MYBL2: variants seen among roughly 807,000 people sequenced by gnomAD.
MYBL2 encodes the protein MYB proto-oncogene like 2, also known as myb-related protein B.
A neutral mutation model predicts 79.9 loss-of-function variants in MYBL2; 28 were observed. The ratio of observed to expected loss-of-function variants is 0.35; its 90% CI spans 0.26 to 0.48. The LOEUF (loss-of-function observed/expected upper bound fraction) is 0.48. Among genes scored for constraint, MYBL2 ranks in the 20% least tolerant of loss-of-function variants. The pLI is 0.99. For synonymous variants in MYBL2, 378 were observed against 361.2 expected, an observed-to-expected ratio of 1.05 and a Z score of -0.53; for missense variants, 735 against 893.9, an observed-to-expected ratio of 0.82 and a Z score of 2.27.
At chr20:43,698,577 C>T (rs886584267) in intron 6 of MYBL2, among the ~76,000 whole-genome samples, 7 of 151,228 alleles carry the variant, frequency 4.6e-5, no homozygotes, top group African/African-American at 1.7e-4. Flanking sequence ...TGGGGTTTCA[C>T]CGTGTTAGCC....
At chr20:43,681,891 A>G (rs1987153314) in intron 3 of MYBL2, 36 bp downstream of exon 3, 1 of 1,605,866 alleles carries the variant, frequency 6.2e-7, no homozygotes, top group Non-Finnish European at 8.5e-7. Context: ...CCCTCGGGGC[A>G]AGGGCTCTGG....
intron 2 of MYBL2, among the ~76,000 whole-genome samples, chr20:43,679,682 G>A (rs763516349): frequency 1.3e-5 from 2 of 152,106 alleles, no homozygotes; most frequent in Admixed American, 6.5e-5. Flanking sequence ...TTGGGAGGCC[G>A]AGGCAGGAGA....
At chr20:43,668,794 C>G (rs983167578) in intron 1 of MYBL2, among the ~76,000 whole-genome samples, 2 of 149,802 alleles carry the variant, frequency 1.3e-5, no homozygotes, top group African/African-American at 2.5e-5. Context: ...TTCAAGTGAT[C>G]TTCCCAACTC....
At chr20:43,676,447 C>T (rs749225507) in intron 2 of MYBL2, among the ~76,000 whole-genome samples, 11 of 152,172 alleles carry the variant, frequency 7.2e-5, no homozygotes, top group Non-Finnish European at 1.3e-4. Context: ...TGAAATCATA[C>T]GGTTACATTC....
At position 43,702,915 on chromosome 20, in the gene MYBL2, C is replaced by A; in HGVS notation, c.1365+12C>A. 6.3e-7 allele frequency: 1 copy of A among 1,574,992 alleles called. No individual in the cohort carries two copies. The highest frequency in any genetic ancestry group is 1.7e-5 in the Admixed American group (1 of 58,454). On this transcript the variant is annotated intron_variant, in intron 8 of 13. Coordinates refer to ENST00000217026, the MANE Select transcript of MYBL2 (RefSeq NM_002466.4). ...TCTCGCCCTCCCAGGTGCGTGGACC[C>A]CACTCTGGCTGCTTATTGGGTCGGT... is the stretch of plus-strand genomic sequence containing the variant.
At chr20:43,682,918 G>T in intron 4 of MYBL2, 32 bp downstream of exon 4, 1 of 1,589,566 alleles carries the variant, frequency 6.3e-7, no homozygotes, top group Non-Finnish European at 8.6e-7. Context: ...TGCACACAGT[G>T]GGTCTTCACC....
intron 2 of MYBL2, among the ~76,000 whole-genome samples, chr20:43,679,557 G>T (rs1568851499): frequency 1.3e-5 from 2 of 152,010 alleles, no homozygotes; most frequent in South Asian, 4.2e-4. Flanking sequence ...TTGCCTGAGT[G>T]TAAGAGTCCT....
chr20:43,684,551 T>TTA (rs1987222704), intron 4 of MYBL2, among the ~76,000 whole-genome samples: 1 of 150,378 alleles, frequency 6.6e-6, no homozygotes, highest in South Asian at 2.1e-4. Context: ...TTTTTTTTTT[T>TTA]AATTTGTAGA....
In MYBL2 at chr20:43,715,134, C is replaced by T. The variant is rs912793692; in HGVS notation, c.1825C>T (p.Pro609Ser). 1.2e-6 allele frequency: 2 copies of T among 1,614,056 alleles called. No homozygotes were observed. The highest frequency in any genetic ancestry group is 1.7e-5 in the Admixed American group (1 of 59,998). Reference sequence around the variant, plus strand: ...CTCCTTGACTTGGTTTTGGTTTCAGCCGACAACTGCCCCTTCAAACTCTTC... The same window carrying T: ...CTCCTTGACTTGGTTTTGGTTTCAGTCGACAACTGCCCCTTCAAACTCTTC... The part of the protein sequence containing the change: ...MSTLPKSLSL[P>S]TTAPSNSSSL... Residue 609 changes from proline to serine, a missense_variant and splice_region_variant, in exon 13 of 14, where the codon CCG becomes TCG. This residue lies in a region of MYBL2 where 204 missense variants were observed against 202.9 expected (regional missense o/e 1.01). Coordinates refer to ENST00000217026, the MANE Select transcript of MYBL2 (RefSeq NM_002466.4).
chr20:43,711,087 G>A (rs1987894036), intron 10 of MYBL2, among the ~76,000 whole-genome samples: 1 of 152,194 alleles, frequency 6.6e-6, no homozygotes, highest in African/African-American at 2.4e-5. Flanking sequence ...GGGTTTGAGA[G>A]CCCCCATTAG....
intron 6 of MYBL2, among the ~76,000 whole-genome samples, chr20:43,697,070 A>G (rs1435882564): frequency 1.5e-5 from 1 of 66,418 alleles, no homozygotes; most frequent in Non-Finnish European, 3.7e-5. Flanking sequence ...TAGTGTGGAC[A>G]TTTGAAGTTT....
At chr20:43,677,157 C>G (rs1191245244) in intron 2 of MYBL2, among the ~76,000 whole-genome samples, 1 of 151,206 alleles carries the variant, frequency 6.6e-6, no homozygotes, top group Non-Finnish European at 1.5e-5. Flanking sequence ...TGTTGTGGAC[C>G]AGGGACTATA....
chr20:43,691,642 C>G (rs1200341968), intron 5 of MYBL2, among the ~76,000 whole-genome samples: 1 of 151,510 alleles, frequency 6.6e-6, no homozygotes, highest in East Asian at 1.9e-4. Context: ...TGGGTTCAAG[C>G]GATTCTCCTT....
At chr20:43,690,581 C>T (rs533466320) in intron 5 of MYBL2, among the ~76,000 whole-genome samples, 8 of 152,318 alleles carry the variant, frequency 5.3e-5, no homozygotes, top group African/African-American at 1.9e-4. Context: ...TACCCTACAC[C>T]TTTGCCCAGT....
At chr20:43,693,749 T>C (rs1987469335) in intron 6 of MYBL2, among the ~76,000 whole-genome samples, 1 of 152,226 alleles carries the variant, frequency 6.6e-6, no homozygotes, top group African/African-American at 2.4e-5. Context: ...CTAAAGGTTA[T>C]TTTTCAAAAT....
intron 8 of MYBL2, 51 bp downstream of exon 8, chr20:43,702,954 G>A (rs560168648): frequency 2.0e-6 from 3 of 1,533,404 alleles, no homozygotes; most frequent in African/African-American, 1.4e-5. Flanking sequence ...GACACCTAGT[G>A]TTCAGTGCTG....
chr20:43,668,187 G>C (rs1230393067), intron 1 of MYBL2, among the ~76,000 whole-genome samples: 1 of 135,638 alleles, frequency 7.4e-6, no homozygotes, highest in South Asian at 2.3e-4. Flanking sequence ...GATAACCTTC[G>C]TTCCCTCTTT....
At chr20:43,688,479 G>A (rs1435133758) in intron 5 of MYBL2, among the ~76,000 whole-genome samples, 2 of 152,032 alleles carry the variant, frequency 1.3e-5, no homozygotes, top group Non-Finnish European at 2.9e-5. Context: ...ACAGGCATGA[G>A]CCACTATGCC....
At chr20:43,689,353 G>A (rs190415740) in intron 5 of MYBL2, among the ~76,000 whole-genome samples, 14 of 152,226 alleles carry the variant, frequency 9.2e-5, no homozygotes, top group Non-Finnish European at 1.8e-4. Context: ...CCTGACACTT[G>A]GGTTGGAAAC....
Sources: gnomAD v4.1 joint callset for allele counts (sites outside exome capture counted in the v4.1 genomes callset) on GRCh38, gnomAD v4.1.1 for gene constraint, gnomAD v4.1.1 regional missense constraint, MANE v1.5 for transcripts, NCBI Gene and HGNC (gene_info 2026-07-23, HGNC 2026-07-21) for gene names.